Variants in KLHL25 observed in about 807,000 individuals in gnomAD.
KLHL25 encodes the protein kelch-like protein 25.
KLHL25 carries 41 observed loss-of-function variants against 30.0 expected under a neutral mutation model. The observed-to-expected ratio is 1.37, with a 90% CI of 1.07 to 1.78. KLHL25 has a LOEUF of 1.78. Ranked by LOEUF, KLHL25 falls within the 40% of genes most tolerant of loss-of-function variation. The probability of loss-of-function intolerance (pLI) is 0.00; values close to 1 mark genes in which losing one functional copy is unlikely to be tolerated. For synonymous variants in KLHL25, 399 were observed against 355.3 expected (o/e 1.12, Z -1.38); for missense variants, 971 against 824.5 (o/e 1.18, Z -2.18).
chr15:85,769,222 T>C lies in KLHL25; in HGVS notation c.589A>G (p.Ile197Val). 6.2e-7 allele frequency: 1 copy of C among 1,613,794 alleles called. No individual in the cohort carries two copies. Among genetic ancestry groups the C allele is most frequent in the Non-Finnish European group, 8.5e-7 (1 of 1,180,020 alleles). ...TCGGTCTCCAGCTCATCACTCGAGA[T>C]GAGGTCCAGCAGTGTGTCCTTGGAC... ...SLSKDTLLDL[I>V]SSDELETEDE... is the part of the protein sequence containing the mutation. Residue 197 changes from isoleucine to valine, a missense_variant, in exon 2 of 3, where the codon ATC (isoleucine) becomes GTC (valine). Ile to Val is a conservative substitution (Grantham distance 29). Coordinates refer to ENST00000337975, the MANE Select transcript of KLHL25 (RefSeq NM_022480.4).
At chr15:85,780,775 G>A (rs1340495158) in intron 1 of KLHL25, among the ~76,000 whole-genome samples, 1 of 152,190 alleles carries the variant, frequency 6.6e-6, no homozygotes, top group Non-Finnish European at 1.5e-5. Flanking sequence ...ATGAGAGCAA[G>A]GGGAGCATAG....
rs756196168 is a variant in KLHL25, at chr15:85,769,234, G to C, written c.577C>G (p.Leu193Val). ...EDFNSLSKDT[L>V]LDLISSDELE... ...TCATCACTCGAGATGAGGTCCAGCA[G>C]TGTGTCCTTGGACAGGCTGTTGAAG... is the stretch of plus-strand genomic sequence containing the variant. The change falls in exon 2 of 3, where the codon CTG (leucine) becomes GTG (valine). Residue 193 changes from leucine (L) to valine (V), a missense_variant. Leu to Val is a conservative substitution (Grantham distance 32). Transcript: ENST00000337975. The C allele has an allele frequency of 6.2e-7, 1 of 1,613,746 alleles. No individual in the cohort carries two copies. The highest frequency in any genetic ancestry group is 8.5e-7 in the Non-Finnish European group (1 of 1,180,048).
intron 1 of KLHL25, among the ~76,000 whole-genome samples, chr15:85,771,893 G>T (rs2089677404): frequency 1.3e-5 from 2 of 152,200 alleles, no homozygotes; most frequent in Admixed American, 6.5e-5. Context: ...TCGAAGCTGG[G>T]CCCTCAGATG....
chr15:85,768,944 C>CCGGG lies in KLHL25; in HGVS notation c.863_866dup (p.Arg291AlafsTer19). ...GTAGCGTGTGGCCCGCCTTGCGTGG[C>CCGGG]CGGGCACAGGGGCTGGTGACCACGC... On this transcript the variant is annotated frameshift_variant, in exon 2 of 3. Coordinates refer to ENST00000337975, the MANE Select transcript of KLHL25 (RefSeq NM_022480.4). LOFTEE classifies it high-confidence loss of function. 1 of 1,613,320 alleles carries CCGGG rather than the reference C, an allele frequency of 6.2e-7. No homozygotes were observed. The highest frequency in any genetic ancestry group is 1.1e-5 in the South Asian group (1 of 91,084).
rs546587368 is a variant in KLHL25, at chr15:85,771,794, C to T, written c.-10-1974G>A. On this transcript the variant is annotated intron_variant, in intron 1 of 2. Coordinates refer to ENST00000337975, the MANE Select transcript of KLHL25 (RefSeq NM_022480.4). ...ATCCTGGCTCCACCTCCATCCTGTACCTCACTATTATTTTCTTGTAAAGTG... is the reference window on the plus strand; with the variant it reads ...ATCCTGGCTCCACCTCCATCCTGTATCTCACTATTATTTTCTTGTAAAGTG... Among the ~76,000 whole-genome samples, 33 of 152,322 alleles carry T rather than the reference C, an allele frequency of 2.2e-4. No individual in the cohort carries two copies. In the South Asian group the frequency reaches 4.3e-3, roughly 20 times the overall value.
At chr15:85,777,265 A>G (rs2151810303) in intron 1 of KLHL25, among the ~76,000 whole-genome samples, 1 of 152,324 alleles carries the variant, frequency 6.6e-6, no homozygotes, top group East Asian at 1.9e-4. Flanking sequence ...GCTCACCCCA[A>G]TAGCACAGAA....
At chr15:85,779,370 G>A (rs753029709) in intron 1 of KLHL25, among the ~76,000 whole-genome samples, 1 of 152,182 alleles carries the variant, frequency 6.6e-6, no homozygotes, top group African/African-American at 2.4e-5. Context: ...CAGGGAGGAG[G>A]CAGTGGATGG....
intron 1 of KLHL25, among the ~76,000 whole-genome samples, chr15:85,793,928 T>C (rs1397497395): frequency 6.6e-6 from 1 of 152,228 alleles, no homozygotes. Flanking sequence ...GATGTTTCTT[T>C]GTTCAAAGAC....
intron 1 of KLHL25, among the ~76,000 whole-genome samples, chr15:85,781,119 G>A (rs1260372816): frequency 6.6e-6 from 1 of 152,176 alleles, no homozygotes; most frequent in African/African-American, 2.4e-5. Context: ...TGGATCACCT[G>A]AGGTCAGGAG....
At chr15:85,774,463 GA>G (rs1362708221) in intron 1 of KLHL25, among the ~76,000 whole-genome samples, 1 of 152,182 alleles carries the variant, frequency 6.6e-6, no homozygotes, top group African/African-American at 2.4e-5. Flanking sequence ...AATGCACAAA[GA>G]AACAAACTAG....
intron 1 of KLHL25, among the ~76,000 whole-genome samples, chr15:85,776,561 G>T (rs1235393201): frequency 6.6e-6 from 1 of 152,128 alleles, no homozygotes; most frequent in Non-Finnish European, 1.5e-5. Context: ...TATTTAAACT[G>T]TAACTGATCT....
In KLHL25 at chr15:85,769,542, T is replaced by G; in HGVS notation, c.269A>C (p.Gln90Pro). 1 of 1,613,898 alleles carries G rather than the reference T, an allele frequency of 6.2e-7. No individual in the cohort carries two copies. ...CAGCACCTCCGGGTGCAGGTTGTCC[T>G]GGAAGTTGACAGTGTCATCCCGGCT... is the stretch of plus-strand genomic sequence containing the variant. ...RESRDDTVNF[Q>P]DNLHPEVLEL... The change falls in exon 2 of 3, where the codon CAG becomes CCG. Residue 90 changes from glutamine to proline, a missense_variant. Gln to Pro is a moderately conservative substitution (Grantham distance 76, BLOSUM62 -1). Transcript: ENST00000337975.
At chr15:85,784,281 C>A (rs1192666632) in intron 1 of KLHL25, among the ~76,000 whole-genome samples, 1 of 152,204 alleles carries the variant, frequency 6.6e-6, no homozygotes, top group African/African-American at 2.4e-5. Flanking sequence ...GTAATCCCTG[C>A]ACTTTGGGAG....
chr15:85,766,850 T>C (rs901718640), intron 2 of KLHL25, among the ~76,000 whole-genome samples: 7 of 152,220 alleles, frequency 4.6e-5, no homozygotes. Context: ...CCTTGCATGC[T>C]GGTGAGCACA....
chr15:85,765,409 T>A (rs896798964), intron 2 of KLHL25, among the ~76,000 whole-genome samples: 3 of 151,896 alleles, frequency 2.0e-5, no homozygotes, highest in African/African-American at 7.3e-5. Context: ...GTGGATCACC[T>A]GAGGTCTGGA....
rs1453121684 is a variant in KLHL25, at chr15:85,769,451, C to T, written c.360G>A (p.Leu120=). The change falls in exon 2 of 3, where the codon CTG becomes CTA. Residue 120 remains leucine (L), a synonymous_variant. Transcript: ENST00000337975. ...IAINEENAES[L]LEAGDMLQFH... ...ACTGCAGCATGTCGCCTGCCTCCAG[C>T]AGTGACTCAGCGTTCTCCTCGTTGA... The T allele has an allele frequency of 2.5e-6, 4 of 1,614,100 alleles. No individual in the cohort carries two copies. Among genetic ancestry groups the T allele is most frequent in the African/African-American group, 1.3e-5 (1 of 75,066 alleles).
rs185808550 is a variant in KLHL25 at position 85,775,763 on chromosome 15, G to C, written c.-10-5943C>G. On this transcript the variant is annotated intron_variant, in intron 1 of 2. Transcript: ENST00000337975. The stretch of plus-strand genomic sequence containing the variant: ...AGCACAAGCCAGGTAGGATGCACCA[G>C]CCACCCGGCCTGAGGTCCCCTGCCT... Among the ~76,000 whole-genome samples, 60 of 151,028 alleles carry C rather than the reference G, an allele frequency of 4.0e-4. No homozygotes were observed. In the Middle Eastern group the frequency reaches 0.01, roughly 26 times the overall value.
At chr15:85,788,188 G>C (rs572548684) in intron 1 of KLHL25, among the ~76,000 whole-genome samples, 2 of 152,212 alleles carry the variant, frequency 1.3e-5, no homozygotes, top group East Asian at 3.9e-4. Context: ...GTCAGGGTCT[G>C]GCACCTCTCT....
intron 1 of KLHL25, among the ~76,000 whole-genome samples, chr15:85,788,003 C>T (rs2089791774): frequency 7.8e-6 from 1 of 128,778 alleles, no homozygotes; most frequent in African/African-American, 3.0e-5. Context: ...CGGAGGTGAG[C>T]TGAGATCGCG....
Sources: gnomAD v4.1 joint callset for allele counts (sites outside exome capture counted in the v4.1 genomes callset) on GRCh38, gnomAD v4.1.1 for gene constraint, MANE v1.5 for transcripts, NCBI Gene and HGNC (gene_info 2026-07-23, HGNC 2026-07-21) for gene names.